The following LUC7L3 variants were observed in gnomAD, a reference collection of about 807,000 sequenced individuals.
LUC7L3 encodes the protein LUC7 like 3 pre-mRNA splicing factor, also known as luc7-like protein 3.
In LUC7L3, 6 loss-of-function variants were observed where a neutral mutation model predicts 66.8. The observed-to-expected ratio is 0.09, with a 90% confidence interval of 0.05 to 0.18. LUC7L3 has a LOEUF of 0.18. LUC7L3 is among the 10% of genes least tolerant of loss of function. The pLI, the probability that LUC7L3 is intolerant of heterozygous loss-of-function variation, is 1.00. For missense variants in LUC7L3, 341 were observed against 531.1 expected, an observed-to-expected ratio of 0.64 and a Z score of 3.52; for synonymous variants, 160 against 174.7, an observed-to-expected ratio of 0.92 and a Z score of 0.66.
At chr17:50,732,077 T>TGC (rs2036416288) in intron 1 of LUC7L3, among the ~76,000 whole-genome samples, 1 of 152,112 alleles carries the variant, frequency 6.6e-6, no homozygotes, top group Non-Finnish European at 1.5e-5. Context: ...AGGGAAAGGG[T>TGC]ATCTGTGCTT....
chr17:50,729,725 G>A (rs892816587), intron 1 of LUC7L3, among the ~76,000 whole-genome samples: 13 of 151,586 alleles, frequency 8.6e-5, no homozygotes, highest in Non-Finnish European at 1.9e-4. Flanking sequence ...GCCCCAGCTG[G>A]GAATAATTTT....
At chr17:50,728,613 C>CGCGA (rs1969356169) in intron 1 of LUC7L3, among the ~76,000 whole-genome samples, 1 of 152,100 alleles carries the variant, frequency 6.6e-6, no homozygotes, top group South Asian at 2.1e-4. Context: ...AGTGCAGTGG[C>CGCGA]GCGATCTCAG....
chr17:50,746,760 C>T (rs889024032), intron 9 of LUC7L3, 58 bp downstream of exon 9: 40 of 1,471,514 alleles, frequency 2.7e-5, no homozygotes, highest in Non-Finnish European at 3.5e-5. Flanking sequence ...AATCGCCCCA[C>T]TCACTTTTCT....
intron 1 of LUC7L3, among the ~76,000 whole-genome samples, chr17:50,730,479 C>T (rs1969513586): frequency 8.0e-6 from 1 of 124,738 alleles, no homozygotes; most frequent in Non-Finnish European, 1.6e-5. Flanking sequence ...CGAACCACTG[C>T]ACTCCAGCCT....
rs1367278262 is a variant in LUC7L3, at chr17:50,752,150, C to T, written c.*1489C>T. ...GCCAACACTTTCTCATAAAAATTGG[C>T]CTTTTACATGTTGTCTAATTATCAT... On this transcript the variant is annotated 3_prime_UTR_variant, in exon 10 of 10. Coordinates refer to ENST00000505658, the MANE Select transcript of LUC7L3 (RefSeq NM_016424.5). 10 of 1,275,320 alleles carry T rather than the reference C, an allele frequency of 7.8e-6. No homozygotes were observed. Among genetic ancestry groups the T allele is most frequent in the East Asian group, 5.8e-5 (1 of 17,378 alleles). 79.0% of individuals were successfully genotyped at this position (1,275,320 alleles called of 1,614,324 possible).
rs1051911553 is a variant in LUC7L3 at position 50,755,558 on chromosome 17, G to A, written c.*4897G>A. The A allele has an allele frequency of 6.6e-6, 1 of 152,184 alleles. No homozygotes were observed. Among genetic ancestry groups the A allele is most frequent in the Non-Finnish European group, 1.5e-5 (1 of 68,038 alleles). The allele number at this position is 152,184 out of a possible 1,614,324, so 9.4% of individuals were successfully genotyped here. On this transcript the variant is annotated 3_prime_UTR_variant, in exon 10 of 10. Transcript: ENST00000505658. ...AATTTACTATTTTAAAAATTCAAGA[G>A]TTTTGTAGCTGATCTATTTCTTCCC...
In LUC7L3 at chr17:50,751,812, A is replaced by G. The variant is rs776424685; in HGVS notation, c.*1151A>G. 9.7e-5 allele frequency: 99 copies of G among 1,018,736 alleles called. No individual in the cohort carries two copies. The Admixed American group carries it at 1.2e-3, about 12-fold the overall frequency. 63.1% of individuals were successfully genotyped at this position (1,018,736 alleles called of 1,614,324 possible). ...TGTGAAATCAAAGAACTGATGCACTATATAGAACGAATTTGGGTTTTTAAA... is the reference window on the plus strand; with the variant it reads ...TGTGAAATCAAAGAACTGATGCACTGTATAGAACGAATTTGGGTTTTTAAA... On this transcript the variant is annotated 3_prime_UTR_variant, in exon 10 of 10. Coordinates refer to ENST00000505658, the MANE Select transcript of LUC7L3 (RefSeq NM_016424.5).
intron 1 of LUC7L3, among the ~76,000 whole-genome samples, chr17:50,724,714 C>CT (rs1214799808): frequency 6.8e-6 from 1 of 147,190 alleles, no homozygotes. Context: ...GTAAATTTGA[C>CT]TTTTTTGCTA....
At chr17:50,739,497 CAAAAAAATTA>C (rs1258048024) in intron 2 of LUC7L3, among the ~76,000 whole-genome samples, 3 of 151,998 alleles carry the variant, frequency 2.0e-5, no homozygotes, top group Non-Finnish European at 4.4e-5. Context: ...ACTAAAAATA[CAAAAAAATTA>C]CGCAGGCATG....
chr17:50,736,677 G>T, intron 1 of LUC7L3: 1 of 328,242 alleles, frequency 3.0e-6, no homozygotes, highest in Non-Finnish European at 5.6e-6. Context: ...TTTATTTTGG[G>T]ATGTCTTTCC....
chr17:50,744,849 C>A, intron 7 of LUC7L3, 36 bp downstream of exon 7: 1 of 1,574,544 alleles, frequency 6.4e-7, no homozygotes, highest in Non-Finnish European at 8.7e-7. Context: ...CAGATTCTTG[C>A]TCTGTCACCT....
In LUC7L3 at chr17:50,729,942, A is replaced by ATATG. The variant is rs1226750974; in HGVS notation, c.100-7010_100-7007dup. Among the ~76,000 whole-genome samples the ATATG allele has an allele frequency of 6.2e-3, 190 of 30,774 alleles. 4 individuals are homozygous for ATATG. Among genetic ancestry groups the ATATG allele is most frequent in the African/African-American group, 0.018 (162 of 8,822 alleles). 20.2% of individuals were successfully genotyped at this position (30,774 alleles called of 152,430 possible). A position where few individuals can be genotyped will look rare whatever the true frequency, so the allele number is the denominator to read the frequency against. On this transcript the variant is annotated intron_variant, in intron 1 of 9. Coordinates refer to ENST00000505658, the MANE Select transcript of LUC7L3 (RefSeq NM_016424.5). ...TATATATATATATATATATATATATATATGTATGTATTTTGGGGGTGGGGA... is the reference window on the plus strand; with the variant it reads ...TATATATATATATATATATATATATATATGTATGTATGTATTTTGGGGGTGGGGA...
At position 50,719,605 on chromosome 17, in the gene LUC7L3, C is replaced by G. The variant is rs902564725; in HGVS notation, c.-128C>G. 6 of 710,902 alleles carry G rather than the reference C, an allele frequency of 8.4e-6. No homozygotes were observed. In the Admixed American group the frequency reaches 8.5e-5, roughly 10 times the overall value. 44.0% of individuals were successfully genotyped at this position (710,902 alleles called of 1,614,324 possible). A position where few individuals can be genotyped will look rare whatever the true frequency, so the allele number is the denominator to read the frequency against. ...GGCGTCCGCGCGGCGGCCATTTTGT[C>G]TTGTCGGCTCCTGTGTGTAGGAGGG... On this transcript the variant is annotated 5_prime_UTR_variant, in exon 1 of 10. Coordinates refer to ENST00000505658, the MANE Select transcript of LUC7L3 (RefSeq NM_016424.5).
intron 1 of LUC7L3, chr17:50,724,012 T>C: frequency 2.2e-6 from 1 of 450,174 alleles, no homozygotes; most frequent in Non-Finnish European, 4.5e-6. Flanking sequence ...GTGTTATATG[T>C]GTATGTAATT....
intron 2 of LUC7L3, 69 bp downstream of exon 2, chr17:50,737,095 A>G (rs1970029041): frequency 1.7e-5 from 19 of 1,113,840 alleles, no homozygotes; most frequent in Middle Eastern, 2.1e-4. Context: ...GAGTGGTGAA[A>G]GGAAAAAAAC....
At chr17:50,749,597 G>A (rs1567879732) in intron 9 of LUC7L3, among the ~76,000 whole-genome samples, 1 of 152,086 alleles carries the variant, frequency 6.6e-6, no homozygotes, top group South Asian at 2.1e-4. Context: ...CTATGTAGAG[G>A]GTTCTGTTTC....
intron 9 of LUC7L3, chr17:50,749,418 A>G (rs1970868518): frequency 1.7e-6 from 2 of 1,176,378 alleles, no homozygotes; most frequent in Non-Finnish European, 2.2e-6. Context: ...CTTGCGCTTA[A>G]CTACTTGGAC....
chr17:50,729,683 A>G (rs1298911335), intron 1 of LUC7L3, among the ~76,000 whole-genome samples: 2 of 151,982 alleles, frequency 1.3e-5, no homozygotes, highest in Admixed American at 1.3e-4. Context: ...CCATACAGAC[A>G]TGGGGAGAAC....
At chr17:50,733,753 T>G (rs1055454937) in intron 1 of LUC7L3, among the ~76,000 whole-genome samples, 2 of 152,222 alleles carry the variant, frequency 1.3e-5, no homozygotes, top group African/African-American at 4.8e-5. Flanking sequence ...AGTTTTTAAA[T>G]TATTTTATAA....
Sources: allele counts gnomAD v4.1 joint callset (sites outside exome capture counted in the v4.1 genomes callset), GRCh38; gene constraint gnomAD v4.1.1; transcripts MANE v1.5; gene names NCBI Gene and HGNC (gene_info 2026-07-23, HGNC 2026-07-21).